Variants in TENM3 observed in about 807,000 individuals in gnomAD.
TENM3 encodes teneurin transmembrane protein 3, also known as teneurin-3.
Under a neutral mutation model 255.1 loss-of-function variants are expected in TENM3, and 63 were observed. The observed-to-expected ratio is 0.25, with a 90% CI of 0.20 to 0.30. The LOEUF is 0.30. Among genes scored for constraint, TENM3 ranks in the 10% least tolerant of loss-of-function variants. The pLI is 1.00. For missense variants in TENM3, 2,929 were observed against 3,461.1 expected, an observed-to-expected ratio of 0.85 and a Z score of 3.86; for synonymous variants, 1,306 against 1,322.3, an observed-to-expected ratio of 0.99 and a Z score of 0.27.
chr4:182,237,375 C>CTTTTTTTTTTT (rs57257112), intron 1 of TENM3, among the ~76,000 whole-genome samples: 1 of 148,132 alleles, frequency 6.8e-6, no homozygotes, highest in East Asian at 2.0e-4. Context: ...ATTCTGTTTT[C>CTTTTTTTTTTT]TTTTTTTTGA....
the TENM3 span, among the ~76,000 whole-genome samples, chr4:182,069,681 G>A: frequency 9.6e-5 from 7 of 73,148 alleles, no homozygotes; most frequent in Admixed American, 1.2e-3. Context: ...ATACATAGAT[G>A]CATAAACACA....
chr4:181,819,546 C>T, the TENM3 span, among the ~76,000 whole-genome samples: 1 of 152,164 alleles, frequency 6.6e-6, no homozygotes, highest in East Asian at 1.9e-4. Flanking sequence ...CCACCTAGAA[C>T]AGCAGTGCTC....
the TENM3 span, among the ~76,000 whole-genome samples, chr4:181,526,359 G>C: frequency 6.6e-6 from 1 of 151,774 alleles, no homozygotes; most frequent in Admixed American, 6.6e-5. Context: ...TTTTGACCCT[G>C]TCAAACCCAT....
chr4:182,120,668 T>C, the TENM3 span, among the ~76,000 whole-genome samples: 1 of 152,114 alleles, frequency 6.6e-6, no homozygotes, highest in Admixed American at 6.5e-5. Flanking sequence ...GAAACTTCCT[T>C]GAGAAAAGGA....
At chr4:181,728,069 A>C in the TENM3 span, among the ~76,000 whole-genome samples, 49 of 152,242 alleles carry the variant, frequency 3.2e-4, no homozygotes, top group Non-Finnish European at 5.4e-4. Context: ...TAATGTTTCT[A>C]GAGTCTGTAA....
At chr4:182,166,636 T>G (rs140814176) in intron 1 of TENM3, among the ~76,000 whole-genome samples, 142 of 152,282 alleles carry the variant, frequency 9.3e-4, no homozygotes, top group African/African-American at 3.2e-3. Flanking sequence ...TCTCTTTTCT[T>G]TTCTTTTTCT....
chr4:182,087,383 T>C, the TENM3 span, among the ~76,000 whole-genome samples: 10 of 152,304 alleles, frequency 6.6e-5, no homozygotes, highest in East Asian at 1.7e-3. Context: ...AAACCCTTAC[T>C]GTGTCCAACT....
chr4:182,793,433 C>T lies in TENM3; in HGVS notation c.6761C>T (p.Thr2254Ile), dbSNP rs1766256811. ...CTGCAGTTTTTTTATGCTGACTTAA[C>T]TTATCCCACTAGGATTACTCATGTC... ...QHLQFFYADL[T>I]YPTRITHVYN... Residue 2254 changes from threonine to isoleucine, a missense_variant, in exon 26 of 28, where the codon ACT becomes ATT. Physicochemically the swap from Thr to Ile is moderately conservative, Grantham distance 89. This residue lies in a region of TENM3 where 256 missense variants were observed against 389.3 expected (regional missense o/e 0.66). Transcript: ENST00000511685. The surrounding 1 kb of genome is among the most constrained non-coding windows in gnomAD (Gnocchi z 5.7). 6.2e-7 allele frequency: 1 copy of T among 1,613,942 alleles called. No homozygotes were observed. Among genetic ancestry groups the T allele is most frequent in the Non-Finnish European group, 8.5e-7 (1 of 1,179,864 alleles).
intron 3 of TENM3, among the ~76,000 whole-genome samples, chr4:182,579,142 G>T (rs1305646667): frequency 6.6e-6 from 1 of 152,182 alleles, no homozygotes; most frequent in Non-Finnish European, 1.5e-5. Flanking sequence ...AATACAGTTA[G>T]GACTTGTGGC....
chr4:182,621,750 T>A (rs1257950173), intron 4 of TENM3, among the ~76,000 whole-genome samples: 2 of 27,460 alleles, frequency 7.3e-5, no homozygotes, highest in African/African-American at 2.4e-4. Context: ...ATATAATATA[T>A]TATAATATAT....
At chr4:181,562,158 CTTTGT>C in the TENM3 span, among the ~76,000 whole-genome samples, 1 of 151,840 alleles carries the variant, frequency 6.6e-6, no homozygotes, top group Admixed American at 6.6e-5. Context: ...TAATTAGTTT[CTTTGT>C]TTTGATATGC....
chr4:182,751,740 A>T, intron 19 of TENM3, 60 bp from the exon 20 acceptor site: 2 of 1,257,448 alleles, frequency 1.6e-6, no homozygotes, highest in South Asian at 2.4e-5. Flanking sequence ...TTTGCTTTTA[A>T]TTTCCCTCTG....
chr4:181,774,968 G>A, the TENM3 span, among the ~76,000 whole-genome samples: 1 of 135,416 alleles, frequency 7.4e-6, no homozygotes, highest in Non-Finnish European at 1.5e-5. Flanking sequence ...GTTGTAGGTT[G>A]CCTGTTCACT....
At chr4:182,507,121 G>T (rs752425640) in intron 3 of TENM3, among the ~76,000 whole-genome samples, 21 of 149,704 alleles carry the variant, frequency 1.4e-4, no homozygotes, top group Non-Finnish European at 2.8e-4. Flanking sequence ...TTCTCCATTC[G>T]TATTAAGTTT....
the TENM3 span, among the ~76,000 whole-genome samples, chr4:182,098,959 T>C: frequency 1.4e-5 from 2 of 145,496 alleles, no homozygotes; most frequent in Non-Finnish European, 3.0e-5. Flanking sequence ...ACAACTCTTT[T>C]TTTCTTTTTT....
At chr4:181,525,442 A>AAAG in the TENM3 span, among the ~76,000 whole-genome samples, 3 of 151,900 alleles carry the variant, frequency 2.0e-5, no homozygotes, top group Non-Finnish European at 4.4e-5. Context: ...CAGAGGGCAA[A>AAAG]AAGTGAAGCT....
At chr4:182,722,101 A>G (rs906797960) in intron 13 of TENM3, among the ~76,000 whole-genome samples, 6 of 152,196 alleles carry the variant, frequency 3.9e-5, no homozygotes, top group African/African-American at 1.4e-4. Flanking sequence ...CTTCTGGGTT[A>G]CGTGTCTTCT....
chr4:181,543,261 T>A, the TENM3 span, among the ~76,000 whole-genome samples: 1 of 152,108 alleles, frequency 6.6e-6, no homozygotes, highest in African/African-American at 2.4e-5. Flanking sequence ...CTGGGGATCT[T>A]TGGTCACCAG....
chr4:182,378,433 G>A (rs971316493), intron 3 of TENM3, among the ~76,000 whole-genome samples: 5 of 152,230 alleles, frequency 3.3e-5, no homozygotes, highest in African/African-American at 1.2e-4. Context: ...TCAGAATGTA[G>A]GAGAGGGAGA....
Sources: allele counts gnomAD v4.1 joint callset (sites outside exome capture counted in the v4.1 genomes callset), GRCh38; gene constraint gnomAD v4.1.1; regional missense constraint gnomAD v4.1.1; non-coding constraint Gnocchi (gnomAD v3.1); transcripts MANE v1.5; gene names NCBI Gene and HGNC (gene_info 2026-07-23, HGNC 2026-07-21).